Variants in TACC2 observed in about 807,000 individuals in gnomAD.
The protein encoded by TACC2 is transforming acidic coiled-coil containing protein 2.
TACC2 carries 137 observed loss-of-function variants against 227.3 expected under a neutral mutation model. The ratio of observed to expected loss-of-function variants is 0.60; its 90% CI spans 0.52 to 0.69. The LOEUF (loss-of-function observed/expected upper bound fraction) is 0.69, where lower values mean the gene tolerates loss of function less well. Among genes scored for constraint, TACC2 ranks in the 30% least tolerant of loss-of-function variants. The pLI is 0.00. For missense variants in TACC2, 3,470 were observed against 3,694.4 expected (o/e 0.94, Z 1.57); for synonymous variants, 1,523 against 1,487.5 (o/e 1.02, Z -0.55).
chr10:122,001,057 T>A (rs4752632), intron 1 of TACC2, among the ~76,000 whole-genome samples: 109,860 of 151,652 alleles, frequency 0.72, 39,978 homozygotes, highest in African/African-American at 0.79. Flanking sequence ...CCCTGACCTC[T>A]GGTCATCCAC....
At chr10:122,117,493 C>T (rs956259412) in intron 5 of TACC2, among the ~76,000 whole-genome samples, 1 of 152,180 alleles carries the variant, frequency 6.6e-6, no homozygotes, top group African/African-American at 2.4e-5. Flanking sequence ...CCGCACCCAG[C>T]TGCCACCCTC....
intron 5 of TACC2, among the ~76,000 whole-genome samples, chr10:122,101,451 T>G (rs1433003496): frequency 1.3e-5 from 2 of 151,190 alleles, no homozygotes; most frequent in African/African-American, 4.9e-5. Context: ...CTGGGCAGGG[T>G]GGCTCACACC....
chr10:122,132,359 A>G (rs1410284317), intron 5 of TACC2, among the ~76,000 whole-genome samples: 2 of 152,262 alleles, frequency 1.3e-5, no homozygotes, highest in Non-Finnish European at 2.9e-5. Flanking sequence ...CTGCCTGGCC[A>G]ACATGGTGAA....
At chr10:122,215,740 T>A (rs982564601) in intron 10 of TACC2, among the ~76,000 whole-genome samples, 4 of 152,182 alleles carry the variant, frequency 2.6e-5, no homozygotes, top group Non-Finnish European at 4.4e-5. Flanking sequence ...TGTGAACTTC[T>A]AGGACTGTCG....
At chr10:122,053,662 C>A (rs912716393) in intron 3 of TACC2, among the ~76,000 whole-genome samples, 4 of 152,182 alleles carry the variant, frequency 2.6e-5, no homozygotes, top group Non-Finnish European at 4.4e-5. Context: ...CTCGAGCACC[C>A]TCCCTGCTCA....
intron 17 of TACC2, 151 bp from the exon 18 acceptor site, chr10:122,237,810 C>A: frequency 1.4e-6 from 1 of 707,324 alleles, no homozygotes; most frequent in Non-Finnish European, 2.3e-6. Context: ...CTTTTTTATG[C>A]TCGGGGAAGT....
At chr10:122,246,028 G>A (rs987846745) in intron 19 of TACC2, among the ~76,000 whole-genome samples, 1 of 152,016 alleles carries the variant, frequency 6.6e-6, no homozygotes, top group African/African-American at 2.4e-5. Context: ...GGTGGTGAGC[G>A]CTCTAGGAGT....
intron 5 of TACC2, among the ~76,000 whole-genome samples, chr10:122,124,823 G>A (rs925783575): frequency 2.6e-5 from 4 of 152,130 alleles, no homozygotes; most frequent in South Asian, 2.1e-4. Context: ...GTGCTGTGAC[G>A]TTCATCCTCT....
At chr10:122,157,749 T>C (rs910169814) in intron 7 of TACC2, among the ~76,000 whole-genome samples, 2 of 152,054 alleles carry the variant, frequency 1.3e-5, no homozygotes, top group African/African-American at 4.8e-5. Context: ...TGACATTAGG[T>C]AGAGTATATT....
intron 19 of TACC2, 125 bp from the exon 20 acceptor site, chr10:122,248,518 G>A: frequency 1.7e-6 from 2 of 1,168,044 alleles, no homozygotes; most frequent in Non-Finnish European, 2.5e-6. Flanking sequence ...TCGTCCCAAG[G>A]AAAAGCTGGG....
At chr10:122,207,605 C>T (rs936312576) in intron 8 of TACC2, among the ~76,000 whole-genome samples, 1 of 152,190 alleles carries the variant, frequency 6.6e-6, no homozygotes, top group Non-Finnish European at 1.5e-5. Flanking sequence ...TGACTGCCCC[C>T]AAATGACCAT....
Position 122,084,392 on chromosome 10 carries a change from A to G in TACC2, c.1892A>G (p.His631Arg). 2 of 1,613,224 alleles carry G rather than the reference A, an allele frequency of 1.2e-6. No homozygotes were observed. Among genetic ancestry groups the G allele is most frequent in the Non-Finnish European group, 8.5e-7 (1 of 1,180,030 alleles). ...DAESRDHPSS[H>R]SAQPPRKGGA... The stretch of plus-strand genomic sequence containing the variant: ...GAGAGCAGAGACCATCCCAGCTCAC[A>G]CTCAGCACAGCCACCCAGAAAGGGG... Residue 631 changes from histidine to arginine, a missense_variant, in exon 4 of 23, where the codon CAC becomes CGC. Physicochemically the swap from His to Arg is conservative, Grantham distance 29. Coordinates refer to ENST00000369005, the MANE Select transcript of TACC2 (RefSeq NM_206862.4).
chr10:122,007,186 G>A (rs989896935), intron 1 of TACC2, among the ~76,000 whole-genome samples: 6 of 151,674 alleles, frequency 4.0e-5, no homozygotes, highest in East Asian at 1.9e-4. Flanking sequence ...TTTTAATGTC[G>A]TTTATTAAAT....
At chr10:122,129,060 A>AATAATTATT (rs770189769) in intron 5 of TACC2, among the ~76,000 whole-genome samples, 2 of 128,554 alleles carry the variant, frequency 1.6e-5, no homozygotes, top group Non-Finnish European at 3.5e-5. Context: ...ATCTTATTTT[A>AATAATTATT]ATTATTATTA....
intron 18 of TACC2, among the ~76,000 whole-genome samples, chr10:122,241,003 G>A (rs746326164): frequency 3.9e-5 from 6 of 152,128 alleles, no homozygotes; most frequent in South Asian, 2.1e-4. Context: ...AAGAAGATGC[G>A]GATAAAAGGT....
chr10:122,114,711 C>G (rs10788244), intron 5 of TACC2, among the ~76,000 whole-genome samples: 126,763 of 152,124 alleles, frequency 0.83, 53,861 homozygotes, highest in East Asian at 0.98. Flanking sequence ...CATCCCAAGC[C>G]TCAGAAGTGT....
chr10:122,195,902 G>A (rs930015662), intron 8 of TACC2, among the ~76,000 whole-genome samples: 1 of 152,152 alleles, frequency 6.6e-6, no homozygotes, highest in Admixed American at 6.5e-5. Context: ...TATTGTCCTT[G>A]GGCCTGGACA....
At chr10:122,221,990 G>A (rs1163695874) in intron 11 of TACC2, among the ~76,000 whole-genome samples, 1 of 152,164 alleles carries the variant, frequency 6.6e-6, no homozygotes, top group Non-Finnish European at 1.5e-5. Flanking sequence ...GCCCCCATAT[G>A]AAATAATTAC....
chr10:122,164,147 C>T (rs759680216), intron 7 of TACC2, among the ~76,000 whole-genome samples: 2 of 152,192 alleles, frequency 1.3e-5, no homozygotes, highest in African/African-American at 2.4e-5. Flanking sequence ...TGGGGCTGCT[C>T]TGGGAGGAGC....
Sources: allele counts gnomAD v4.1 joint callset (sites outside exome capture counted in the v4.1 genomes callset), GRCh38; gene constraint gnomAD v4.1.1; transcripts MANE v1.5; gene names NCBI Gene and HGNC (gene_info 2026-07-23, HGNC 2026-07-21).